The following NKAIN2 variants were observed in gnomAD, a reference collection of about 807,000 sequenced individuals.
NKAIN2 encodes the protein sodium/potassium transporting ATPase interacting 2.
A neutral mutation model predicts 32.6 loss-of-function variants in NKAIN2; 14 were observed. The ratio of observed to expected loss-of-function variants is 0.43; its 90% CI spans 0.28 to 0.67. NKAIN2 has a LOEUF of 0.67. Ranked by LOEUF, NKAIN2 falls within the 30% of genes least tolerant of loss-of-function variation. The pLI is 0.17. For missense variants in NKAIN2, 198 were observed against 258.3 expected, an observed-to-expected ratio of 0.77 and a Z score of 1.60; for synonymous variants, 80 against 87.2, an observed-to-expected ratio of 0.92 and a Z score of 0.46.
At chr6:124,272,347 A>G (rs886898914) in intron 1 of NKAIN2, among the ~76,000 whole-genome samples, 2 of 152,162 alleles carry the variant, frequency 1.3e-5, no homozygotes, top group Admixed American at 1.3e-4. Context: ...AGCTCCAGCC[A>G]TGGCTAAAAG....
chr6:123,830,598 T>G (rs375136252), intron 1 of NKAIN2, among the ~76,000 whole-genome samples: 2 of 152,292 alleles, frequency 1.3e-5, no homozygotes, highest in South Asian at 2.1e-4. Flanking sequence ...CTCAGGAAAG[T>G]TTTTGCTGAC....
intron 3 of NKAIN2, among the ~76,000 whole-genome samples, chr6:124,583,655 T>C (rs1250431618): frequency 2.0e-5 from 3 of 152,144 alleles, no homozygotes; most frequent in Non-Finnish European, 2.9e-5. Context: ...ATATGGTATA[T>C]GGAACCACAA....
chr6:124,606,632 G>A (rs1241916448), intron 3 of NKAIN2, among the ~76,000 whole-genome samples: 1 of 151,910 alleles, frequency 6.6e-6, no homozygotes, highest in East Asian at 1.9e-4. Context: ...AGTGATAAAT[G>A]GAGAATAATA....
At chr6:124,704,732 T>G (rs938319469) in intron 4 of NKAIN2, among the ~76,000 whole-genome samples, 1 of 151,902 alleles carries the variant, frequency 6.6e-6, no homozygotes, top group African/African-American at 2.4e-5. Context: ...CAATATACCT[T>G]AATTCTGAGA....
intron 1 of NKAIN2, among the ~76,000 whole-genome samples, chr6:123,926,797 C>T (rs1282607995): frequency 1.3e-5 from 2 of 152,202 alleles, no homozygotes; most frequent in Non-Finnish European, 2.9e-5. Flanking sequence ...TGTAACCTTA[C>T]TGCTTAAACA....
intron 3 of NKAIN2, among the ~76,000 whole-genome samples, chr6:124,476,126 T>C (rs912419672): frequency 6.8e-6 from 1 of 146,234 alleles, no homozygotes; most frequent in Non-Finnish European, 1.5e-5. Context: ...ATGTAAAGGA[T>C]GCACAGGAAA....
At chr6:124,137,590 T>C (rs1786882204) in intron 1 of NKAIN2, among the ~76,000 whole-genome samples, 1 of 152,136 alleles carries the variant, frequency 6.6e-6, no homozygotes. Context: ...TCTGGAGGCA[T>C]CACTTTACCT....
rs147218407 is a variant in NKAIN2 at position 124,675,557 on chromosome 6, A to G, written c.474+17171A>G. Among the ~76,000 whole-genome samples the G allele has an allele frequency of 1.8e-4, 27 of 152,100 alleles. No homozygotes were observed. In the East Asian group the frequency reaches 5.0e-3, roughly 28 times the overall value. On this transcript the variant is annotated intron_variant, in intron 4 of 6. Coordinates refer to ENST00000368417, the MANE Select transcript of NKAIN2 (RefSeq NM_001040214.3). ...AGTTATTGCTCAGTTCAGATTTTCT[A>G]TTTCTTGATAATTAAGTCTTGATAG... is the stretch of plus-strand genomic sequence containing the variant.
intron 4 of NKAIN2, among the ~76,000 whole-genome samples, chr6:124,770,794 C>T (rs1249994551): frequency 2.0e-5 from 3 of 152,026 alleles, no homozygotes; most frequent in Non-Finnish European, 2.9e-5. Context: ...TGCACTAGCC[C>T]AATGATTCTT....
chr6:124,285,298 C>A, intron 2 of NKAIN2, among the ~76,000 whole-genome samples: 1 of 152,184 alleles, frequency 6.6e-6, no homozygotes, highest in Non-Finnish European at 1.5e-5. Context: ...GAAAATCTTT[C>A]TTTAGCTCAT....
intron 2 of NKAIN2, among the ~76,000 whole-genome samples, chr6:124,315,912 G>A (rs1255284118): frequency 6.6e-6 from 1 of 151,864 alleles, no homozygotes; most frequent in Non-Finnish European, 1.5e-5. Flanking sequence ...AGAATTGATG[G>A]GTCAAGTTAA....
intron 1 of NKAIN2, among the ~76,000 whole-genome samples, chr6:124,199,653 T>A (rs1790507924): frequency 6.6e-6 from 1 of 152,182 alleles, no homozygotes; most frequent in African/African-American, 2.4e-5. Flanking sequence ...TTGGATTTTC[T>A]TAACTGTTTA....
rs372134824 is a variant in NKAIN2 at position 123,918,726 on chromosome 6, C to G, written c.54+114472C>G. Among the ~76,000 whole-genome samples, 22 of 152,202 alleles carry G rather than the reference C, an allele frequency of 1.4e-4. No individual in the cohort carries two copies. In the East Asian group the frequency reaches 3.5e-3, roughly 24 times the overall value. On this transcript the variant is annotated intron_variant, in intron 1 of 6. Coordinates refer to ENST00000368417, the MANE Select transcript of NKAIN2 (RefSeq NM_001040214.3). The stretch of plus-strand genomic sequence containing the variant: ...GAAGGCCTTACTAGAGAAAGACTGG[C>G]CTTCCTTATAATGCCTGCATCCTCT...
intron 1 of NKAIN2, among the ~76,000 whole-genome samples, chr6:124,108,410 T>C (rs968598560): frequency 2.0e-5 from 3 of 152,068 alleles, no homozygotes; most frequent in Non-Finnish European, 4.4e-5. Context: ...TGATTCCTTA[T>C]ATATTTTAGA....
chr6:124,170,328 A>G (rs1788780770), intron 1 of NKAIN2, among the ~76,000 whole-genome samples: 1 of 152,160 alleles, frequency 6.6e-6, no homozygotes, highest in Non-Finnish European at 1.5e-5. Flanking sequence ...TGAACTTGGC[A>G]TATTGTACGT....
At chr6:124,204,589 T>C (rs527396988) in intron 1 of NKAIN2, among the ~76,000 whole-genome samples, 12 of 151,974 alleles carry the variant, frequency 7.9e-5, no homozygotes, top group African/African-American at 2.9e-4. Flanking sequence ...ATGTTAGCAA[T>C]GTGACAACTA....
intron 4 of NKAIN2, among the ~76,000 whole-genome samples, chr6:124,693,235 G>T (rs924714656): frequency 6.6e-6 from 1 of 152,060 alleles, no homozygotes; most frequent in African/African-American, 2.4e-5. Context: ...TGTTTTCTAG[G>T]TTTAGACATG....
At chr6:124,675,230 A>G (rs1773296882) in intron 4 of NKAIN2, among the ~76,000 whole-genome samples, 1 of 152,060 alleles carries the variant, frequency 6.6e-6, no homozygotes, top group South Asian at 2.1e-4. Flanking sequence ...ATTATAGCCT[A>G]TGGTCCTGTT....
intron 1 of NKAIN2, among the ~76,000 whole-genome samples, chr6:123,877,776 T>G (rs1773233979): frequency 6.6e-6 from 1 of 152,226 alleles, no homozygotes; most frequent in South Asian, 2.1e-4. Context: ...ATAATCAAAT[T>G]ATGTAGTATG....
Sources: gnomAD v4.1 joint callset for allele counts (sites outside exome capture counted in the v4.1 genomes callset) on GRCh38, gnomAD v4.1.1 for gene constraint, MANE v1.5 for transcripts, NCBI Gene and HGNC (gene_info 2026-07-23, HGNC 2026-07-21) for gene names.